Variants in PKIB observed in about 807,000 individuals in gnomAD.
The protein encoded by PKIB is PKI-beta.
PKIB carries 2 observed loss-of-function variants against 4.5 expected under a neutral mutation model. The observed-to-expected ratio is 0.44, with a 90% CI of 0.18 to 1.39. PKIB has a LOEUF of 1.39. Ranked by LOEUF, PKIB falls within the 40% of genes most tolerant of loss-of-function variation. PKIB has a pLI of 0.27. For synonymous variants in PKIB, 38 were observed against 36.0 expected, an observed-to-expected ratio of 1.06 and a Z score of -0.20; for missense variants, 94 against 92.6, an observed-to-expected ratio of 1.02 and a Z score of -0.06.
chr6:122,504,954 G>C (rs1057349803), intron 2 of PKIB, among the ~76,000 whole-genome samples: 1 of 152,140 alleles, frequency 6.6e-6, no homozygotes, highest in Admixed American at 6.5e-5. Flanking sequence ...CAGGGGGCCA[G>C]TTTTAAAATG....
intron 2 of PKIB, among the ~76,000 whole-genome samples, chr6:122,660,867 T>G (rs1776957438): frequency 6.6e-6 from 1 of 152,176 alleles, no homozygotes; most frequent in Admixed American, 6.5e-5. Flanking sequence ...TTACCATTCA[T>G]CTCAAGACCC....
At chr6:122,576,712 TTTC>T (rs1274579125) in intron 2 of PKIB, among the ~76,000 whole-genome samples, 2 of 75,790 alleles carry the variant, frequency 2.6e-5, no homozygotes, top group Non-Finnish European at 5.3e-5. Context: ...ATATATATAT[TTTC>T]TTTTGTATAA....
intron 2 of PKIB, among the ~76,000 whole-genome samples, chr6:122,563,964 C>A (rs973288676): frequency 2.6e-5 from 4 of 152,184 alleles, no homozygotes; most frequent in Non-Finnish European, 5.9e-5. Flanking sequence ...CAAGTTCTGG[C>A]AAGGAGGCTT....
intron 4 of PKIB, 28 bp downstream of exon 4, chr6:122,717,991 A>G (rs751676406): frequency 1.3e-5 from 20 of 1,599,978 alleles, no homozygotes; most frequent in Admixed American, 6.7e-5. Flanking sequence ...CTTACAATTA[A>G]CAGCACTTGT....
At chr6:122,582,243 C>G (rs1773723771) in intron 2 of PKIB, among the ~76,000 whole-genome samples, 1 of 151,852 alleles carries the variant, frequency 6.6e-6, no homozygotes, top group African/African-American at 2.4e-5. Context: ...AATTTAGTAG[C>G]TATTCTTCAC....
intron 3 of PKIB, among the ~76,000 whole-genome samples, chr6:122,700,849 G>A (rs1778782587): frequency 6.6e-6 from 1 of 152,176 alleles, no homozygotes; most frequent in Non-Finnish European, 1.5e-5. Context: ...GGAAGTGCGA[G>A]TCCATCTCTC....
chr6:122,618,385 A>G (rs1775079003), intron 1 of PKIB, among the ~76,000 whole-genome samples: 1 of 152,060 alleles, frequency 6.6e-6, no homozygotes, highest in African/African-American at 2.4e-5. Context: ...ATAATAATGA[A>G]TTATTCCACA....
chr6:122,694,549 A>T lies in PKIB; in HGVS notation c.-9+19405A>T, dbSNP rs543253885. ...GCACAGGTGAGATAAAGTTTTCTCA[A>T]TTTTTTTTTCTTCTCCTTTCCACAA... On this transcript the variant is annotated intron_variant, in intron 3 of 4. Transcript: ENST00000368452. Among the ~76,000 whole-genome samples, 82 of 151,802 alleles carry T rather than the reference A, an allele frequency of 5.4e-4. 1 individual carries two copies. In the South Asian group the frequency reaches 9.0e-3, roughly 17 times the overall value.
intron 2 of PKIB, among the ~76,000 whole-genome samples, chr6:122,649,671 C>A (rs955167724): frequency 2.6e-5 from 4 of 152,168 alleles, no homozygotes; most frequent in African/African-American, 9.7e-5. Flanking sequence ...GTGGGTCAGA[C>A]AACAACCATT....
intron 1 of PKIB, among the ~76,000 whole-genome samples, chr6:122,632,785 A>T (rs554358474): frequency 1.4e-4 from 22 of 152,306 alleles, no homozygotes; most frequent in Middle Eastern, 3.4e-3. Context: ...TCAAAGATGA[A>T]CGGTTGCAGG....
At position 122,707,500 on chromosome 6, in the gene PKIB, A is replaced by G. The variant is rs182708712; in HGVS notation, c.-8-10287A>G. Reference sequence around the variant, plus strand: ...ACTACCGAAACTGTGGGTGCATTTAAAAAAGCATTATACCTATCTATTTTA... The same window carrying G: ...ACTACCGAAACTGTGGGTGCATTTAGAAAAGCATTATACCTATCTATTTTA... On this transcript the variant is annotated intron_variant, in intron 3 of 4. Transcript: ENST00000368452. Among the ~76,000 whole-genome samples the G allele has an allele frequency of 1.5e-4, 23 of 152,244 alleles. 1 individual carries two copies. In the East Asian group the frequency reaches 4.2e-3, roughly 28 times the overall value.
At chr6:122,562,245 G>A (rs1773058574) in intron 2 of PKIB, among the ~76,000 whole-genome samples, 1 of 151,926 alleles carries the variant, frequency 6.6e-6, no homozygotes, top group South Asian at 2.1e-4. Flanking sequence ...AAAATTCTTG[G>A]CTGATAATTG....
intron 2 of PKIB, among the ~76,000 whole-genome samples, chr6:122,650,137 A>G (rs1776492245): frequency 6.6e-6 from 1 of 152,158 alleles, no homozygotes. Flanking sequence ...GTTGTATGAG[A>G]AGCCAAATGC....
intron 2 of PKIB, among the ~76,000 whole-genome samples, chr6:122,499,611 T>G (rs1247910547): frequency 6.6e-6 from 1 of 152,134 alleles, no homozygotes; most frequent in African/African-American, 2.4e-5. Flanking sequence ...TCATACTGAA[T>G]GGACAAAAGC....
At chr6:122,516,532 C>G (rs1776758944) in intron 2 of PKIB, among the ~76,000 whole-genome samples, 1 of 152,102 alleles carries the variant, frequency 6.6e-6, no homozygotes. Context: ...TTGTCCTTGT[C>G]AATATTTACT....
At chr6:122,608,055 G>A (rs7772659), upstream of PKIB, among the ~76,000 whole-genome samples, 226 of 152,048 alleles carry the variant, frequency 1.5e-3, 1 homozygote, top group African/African-American at 3.1e-3. Context: ...CTTGATCTTC[G>A]TTCTACGTCA....
intron 2 of PKIB, among the ~76,000 whole-genome samples, chr6:122,553,729 T>A (rs1772758769): frequency 6.6e-6 from 1 of 152,108 alleles, no homozygotes; most frequent in African/African-American, 2.4e-5. Flanking sequence ...GAATCTAATT[T>A]ACAGTTTCCT....
chr6:122,526,875 A>C (rs1777106058), intron 2 of PKIB, among the ~76,000 whole-genome samples: 1 of 152,148 alleles, frequency 6.6e-6, no homozygotes, highest in African/African-American at 2.4e-5. Context: ...TTTTCTCCTT[A>C]GCTCTGAAAG....
At chr6:122,666,509 C>T (rs972972677) in intron 2 of PKIB, among the ~76,000 whole-genome samples, 1 of 152,200 alleles carries the variant, frequency 6.6e-6, no homozygotes, top group African/African-American at 2.4e-5. Context: ...TCTTCCACCT[C>T]TAGGAGTCTA....
Sources: gnomAD v4.1 joint callset for allele counts (sites outside exome capture counted in the v4.1 genomes callset) on GRCh38, gnomAD v4.1.1 for gene constraint, MANE v1.5 for transcripts, NCBI Gene and HGNC (gene_info 2026-07-23, HGNC 2026-07-21) for gene names.